The following CYP2B6 variants were observed in gnomAD, a reference collection of about 807,000 sequenced individuals.
CYP2B6 encodes cytochrome P450 2B6.
CYP2B6 carries 35 observed loss-of-function variants against 43.4 expected under a neutral mutation model. The ratio of observed to expected loss-of-function variants is 0.81; its 90% confidence interval spans 0.62 to 1.07. CYP2B6 has a LOEUF of 1.07. CYP2B6 is among the 50% of genes least tolerant of loss of function. The pLI is 0.00. For missense variants in CYP2B6, 624 were observed against 632.8 expected (o/e 0.99, Z 0.15); for synonymous variants, 239 against 239.2 (o/e 1.00, Z 0.01).
intron 1 of CYP2B6, among the ~76,000 whole-genome samples, chr19:40,998,369 C>T (rs928323486): frequency 6.6e-6 from 1 of 152,088 alleles, no homozygotes; most frequent in African/African-American, 2.4e-5. Flanking sequence ...AATTTGGAAA[C>T]AAGCAAAACT....
intron 8 of CYP2B6, 198 bp downstream of exon 8, chr19:41,013,013 T>G (rs1028859116): frequency 1.5e-5 from 10 of 667,146 alleles, no homozygotes; most frequent in Admixed American, 1.3e-4. Context: ...AGGCACATCT[T>G]GGCAAGCAGG....
rs1399777134 is a variant in CYP2B6 at position 41,018,279 on chromosome 19, CT to C, written c.*1454del. On this transcript the variant is annotated 3_prime_UTR_variant, in exon 9 of 9. Transcript: ENST00000324071. ...CTGCTTCCGTCTATCAAAAAGCCCC[CT>C]TGGCCCAGGTTCCCTGAGCTGTGGG... 6.6e-6 allele frequency: 1 copy of C among 152,368 alleles called. No homozygotes were observed. The allele number at this position is 152,368 out of a possible 1,614,324, so 9.4% of individuals were successfully genotyped here.
chr19:40,991,975 G>A (rs1461213552), intron 1 of CYP2B6, among the ~76,000 whole-genome samples: 1 of 152,076 alleles, frequency 6.6e-6, no homozygotes, highest in Non-Finnish European at 1.5e-5. Flanking sequence ...GGCCGAGGTG[G>A]TGGATCACCT....
At chr19:41,012,994 C>A in intron 8 of CYP2B6, 179 bp downstream of exon 8, 1 of 763,876 alleles carries the variant, frequency 1.3e-6, no homozygotes, top group Non-Finnish European at 2.2e-6. Context: ...AAGAAGATTA[C>A]ATTCCCAAAG....
Position 41,003,219 on chromosome 19 carries a change from T to C in CYP2B6, c.172-782T>C, listed in dbSNP as rs143541819. ...TGCACAGTAATCCCACCTTATCCAC[T>C]GGAGATATCTTCTGAGACCCCCAGT... On this transcript the variant is annotated intron_variant, in intron 1 of 8. Transcript: ENST00000324071. Among the ~76,000 whole-genome samples, 345 of 152,170 alleles carry C rather than the reference T, an allele frequency of 2.3e-3. 1 individual carries two copies. Among genetic ancestry groups the C allele is most frequent in the African/African-American group, 6.2e-3 (256 of 41,466 alleles).
intron 8 of CYP2B6, among the ~76,000 whole-genome samples, chr19:41,016,303 A>C (rs958841262): frequency 6.7e-6 from 1 of 150,318 alleles, no homozygotes; most frequent in Non-Finnish European, 1.5e-5. Context: ...AGGCTGAGGC[A>C]CAAGAATCAT....
At chr19:41,012,915 T>C in intron 8 of CYP2B6, 100 bp downstream of exon 8, 1 of 1,335,318 alleles carries the variant, frequency 7.5e-7, no homozygotes. Context: ...GAGCACTTAA[T>C]ATATTCTGAT....
At chr19:41,002,910 C>T (rs1329547872) in intron 1 of CYP2B6, among the ~76,000 whole-genome samples, 1 of 152,076 alleles carries the variant, frequency 6.6e-6, no homozygotes, top group Non-Finnish European at 1.5e-5. Flanking sequence ...TAGTTGCTTC[C>T]ACTCAACATT....
At chr19:40,997,340 C>T (rs4802103) in intron 1 of CYP2B6, among the ~76,000 whole-genome samples, 58,917 of 151,562 alleles carry the variant, frequency 0.39, 11,850 homozygotes, top group African/African-American at 0.48. Flanking sequence ...AATCCATCAA[C>T]CCACTTTCCA....
At chr19:41,014,752 A>ACAGCG (rs1234436583) in intron 8 of CYP2B6, among the ~76,000 whole-genome samples, 1 of 151,766 alleles carries the variant, frequency 6.6e-6, no homozygotes, top group African/African-American at 2.4e-5. Context: ...AGAAAGACAG[A>ACAGCG]GGGCAAACCT....
intron 3 of CYP2B6, 129 bp downstream of exon 3, chr19:41,004,575 G>T (rs1478585407): frequency 1.9e-6 from 2 of 1,047,818 alleles, no homozygotes; most frequent in Admixed American, 4.0e-5. Context: ...GACACCATCA[G>T]ACAGAGGGAT....
At chr19:41,002,703 C>T (rs572150728) in intron 1 of CYP2B6, among the ~76,000 whole-genome samples, 39 of 152,194 alleles carry the variant, frequency 2.6e-4, no homozygotes, top group Middle Eastern at 3.4e-3. Flanking sequence ...TGAGAGCCAC[C>T]ATGCCTGGCT....
intron 3 of CYP2B6, among the ~76,000 whole-genome samples, chr19:41,005,264 G>A (rs768048400): frequency 6.6e-6 from 1 of 152,056 alleles, no homozygotes; most frequent in East Asian, 1.9e-4. Context: ...TGTGAGACAT[G>A]TAGGTGAAGG....
intron 8 of CYP2B6, among the ~76,000 whole-genome samples, chr19:41,013,273 C>A (rs1247117351): frequency 6.6e-6 from 1 of 152,190 alleles, no homozygotes; most frequent in African/African-American, 2.4e-5. Context: ...ATGCTTAGAA[C>A]TGCCTGGCAC....
intron 6 of CYP2B6, among the ~76,000 whole-genome samples, 156 bp downstream of exon 6, chr19:41,010,291 TTGG>T (rs1969260819): frequency 6.6e-6 from 1 of 152,204 alleles, no homozygotes; most frequent in African/African-American, 2.4e-5. Context: ...GCCAATTCTG[TTGG>T]TGGATGCATG....
intron 8 of CYP2B6, among the ~76,000 whole-genome samples, chr19:41,016,399 C>CAAAAAAAAAAAAAAAAA (rs869180190): frequency 1.3e-5 from 1 of 76,854 alleles, no homozygotes; most frequent in Non-Finnish European, 2.8e-5. Context: ...GACTCCATCT[C>CAAAAAAAAAAAAAAAAA]AAAAAAAAAA....
At position 41,006,905 on chromosome 19, in the gene CYP2B6, G is replaced by A. The variant is rs1969196418; in HGVS notation, c.485G>A (p.Gly162Glu). The change falls in exon 4 of 9, where the codon GGG (glycine) becomes GAG (glutamate). Residue 162 changes from glycine to glutamate, a missense_variant and splice_region_variant. Physicochemically the swap from Gly to Glu is moderately conservative, Grantham distance 98. Coordinates refer to ENST00000324071, the MANE Select transcript of CYP2B6 (RefSeq NM_000767.5). ...TCCTTGACCTGCTGCTTCTTCCTAG[G>A]GGCCCTCATGGACCCCACCTTCCTC... ...CLIEELRKSK[G>E]ALMDPTFLFQ... is the part of the protein sequence containing the mutation. The A allele has an allele frequency of 6.2e-7, 1 of 1,613,220 alleles. No individual in the cohort carries two copies. Among genetic ancestry groups the A allele is most frequent in the Non-Finnish European group, 8.5e-7 (1 of 1,179,972 alleles).
intron 1 of CYP2B6, among the ~76,000 whole-genome samples, chr19:40,995,813 C>G (rs556678724): frequency 6.6e-6 from 1 of 152,212 alleles, no homozygotes; most frequent in African/African-American, 2.4e-5. Flanking sequence ...GTTTGTAATA[C>G]TGTTGCGGGA....
chr19:41,002,068 G>T (rs974662483), intron 1 of CYP2B6, among the ~76,000 whole-genome samples: 1 of 152,140 alleles, frequency 6.6e-6, no homozygotes, highest in African/African-American at 2.4e-5. Flanking sequence ...AGTGGGAGGA[G>T]AAGTCAGAGC....
Sources: allele counts gnomAD v4.1 joint callset (sites outside exome capture counted in the v4.1 genomes callset), GRCh38; gene constraint gnomAD v4.1.1; transcripts MANE v1.5; gene names NCBI Gene and HGNC (gene_info 2026-07-23, HGNC 2026-07-21).